The following KIF20B variants were observed in gnomAD, a reference collection of about 807,000 sequenced individuals.
KIF20B encodes kinesin-like protein KIF20B.
Under a neutral mutation model 232.5 loss-of-function variants are expected in KIF20B, and 188 were observed. That is an observed-to-expected ratio of 0.81 (90% CI 0.72 to 0.91). KIF20B has a LOEUF of 0.91. Among genes scored for constraint, KIF20B ranks in the 40% least tolerant of loss-of-function variants. The pLI is 0.00. For missense variants in KIF20B, 2,154 were observed against 2,055.9 expected, an observed-to-expected ratio of 1.05 and a Z score of -0.92; for synonymous variants, 712 against 683.0, an observed-to-expected ratio of 1.04 and a Z score of -0.66.
At chr10:89,753,173 G>T (rs1391739648) in intron 25 of KIF20B, among the ~76,000 whole-genome samples, 1 of 151,918 alleles carries the variant, frequency 6.6e-6, no homozygotes, top group Non-Finnish European at 1.5e-5. Flanking sequence ...TTCTTGTTCA[G>T]CTTTAACATA....
At chr10:89,702,318 G>C (rs2133073036) in intron 1 of KIF20B, among the ~76,000 whole-genome samples, 1 of 152,310 alleles carries the variant, frequency 6.6e-6, no homozygotes, top group South Asian at 2.1e-4. Context: ...TTGTGGCACA[G>C]TGACTGCTGT....
chr10:89,719,830 A>AT (rs1030609564), intron 13 of KIF20B, 124 bp downstream of exon 13: 17 of 715,130 alleles, frequency 2.4e-5, no homozygotes, highest in Non-Finnish European at 3.6e-5. Context: ...TCAACTTTAT[A>AT]TTTTGAAAAA....
rs1843088438 is a variant in KIF20B at position 89,722,627 on chromosome 10, C to A, written c.1723-1337C>A. 2.0e-5 allele frequency among the ~76,000 whole-genome samples: 3 copies of A among 152,194 alleles called. No homozygotes were observed. The South Asian group carries it at 6.2e-4, about 32-fold the overall frequency. On this transcript the variant is annotated intron_variant, in intron 13 of 32. Transcript: ENST00000371728. ...GAGGTTGCAGTGAGCCGAGATCGAG[C>A]CACTGCACTCCAGCCTGGGCGACAG...
At chr10:89,754,491 A>G (rs755411976) in intron 25 of KIF20B, 27 bp from the exon 26 acceptor site, 27 of 1,445,412 alleles carry the variant, frequency 1.9e-5, no homozygotes, top group East Asian at 2.4e-5. Flanking sequence ...GGCATGCGAT[A>G]ATAACTTATA....
At chr10:89,720,094 C>G (rs1843020591) in intron 13 of KIF20B, among the ~76,000 whole-genome samples, 1 of 152,080 alleles carries the variant, frequency 6.6e-6, no homozygotes, top group African/African-American at 2.4e-5. Flanking sequence ...CTAATATAAC[C>G]TCGTATACTG....
Position 89,766,330 on chromosome 10 carries a change from A to G in KIF20B, c.4990-1960A>G, listed in dbSNP as rs150801105. The G allele has an allele frequency of 9.5e-3, 1,470 of 154,140 alleles. 29 individuals are homozygous for G. The highest frequency in any genetic ancestry group is 0.033 in the African/African-American group (1,386 of 41,578). 9.5% of individuals were successfully genotyped at this position (154,140 alleles called of 1,614,324 possible). Reference sequence around the variant, plus strand: ...AGCAATGGAACAAAGCTGGAAGGAGAATGACTTTGACAAATTGAGAGAAGA... The same window carrying G: ...AGCAATGGAACAAAGCTGGAAGGAGGATGACTTTGACAAATTGAGAGAAGA... On this transcript the variant is annotated intron_variant, in intron 29 of 32. Coordinates refer to ENST00000371728, the MANE Select transcript of KIF20B (RefSeq NM_001284259.2).
chr10:89,766,922 A>T (rs542658689), intron 29 of KIF20B, among the ~76,000 whole-genome samples: 5 of 151,192 alleles, frequency 3.3e-5, no homozygotes, highest in African/African-American at 9.7e-5. Flanking sequence ...TTCTTGATCC[A>T]TTTTTTTTCA....
At chr10:89,752,444 A>C (rs952895932) in intron 24 of KIF20B, 123 bp from the exon 25 acceptor site, 1 of 623,728 alleles carries the variant, frequency 1.6e-6, no homozygotes, top group African/African-American at 1.9e-5. Flanking sequence ...CCTCAGTTCC[A>C]TCTTGGTCTG....
intron 23 of KIF20B, among the ~76,000 whole-genome samples, chr10:89,746,197 C>A (rs1197117329): frequency 6.6e-6 from 1 of 152,210 alleles, no homozygotes; most frequent in Non-Finnish European, 1.5e-5. Context: ...TTCAGCCTAG[C>A]CGTCCACAGG....
intron 8 of KIF20B, among the ~76,000 whole-genome samples, chr10:89,715,730 C>T (rs1263470910): frequency 6.6e-6 from 1 of 152,192 alleles, no homozygotes; most frequent in Non-Finnish European, 1.5e-5. Flanking sequence ...GTGGCTCACA[C>T]CTGTAATCCC....
At chr10:89,705,516 T>C in intron 2 of KIF20B, 75 bp downstream of exon 2, 1 of 1,328,936 alleles carries the variant, frequency 7.5e-7, no homozygotes, top group African/African-American at 1.5e-5. Flanking sequence ...ATGGCCTGTT[T>C]TTGTATTACC....
intron 29 of KIF20B, among the ~76,000 whole-genome samples, chr10:89,765,753 A>C (rs1842346361): frequency 6.6e-6 from 1 of 152,030 alleles, no homozygotes; most frequent in Non-Finnish European, 1.5e-5. Flanking sequence ...TTTCTCCTTC[A>C]CTTATGAAGC....
chr10:89,746,849 A>G (rs544097126), intron 23 of KIF20B, among the ~76,000 whole-genome samples: 169 of 152,376 alleles, frequency 1.1e-3, no homozygotes, highest in African/African-American at 3.7e-3. Context: ...CAGCTTATCA[A>G]AAGTGAAAAG....
In KIF20B at chr10:89,743,922, C is replaced by T; in HGVS notation, c.4030C>T (p.Leu1344Phe). The change falls in exon 22 of 33, where the codon CTC becomes TTC. Residue 1344 changes from leucine to phenylalanine, a missense_variant. Physicochemically the swap from Leu to Phe is conservative, Grantham distance 22. Transcript: ENST00000371728. ...LDMKQRTIQQ[L>F]KEQLNNQKVE... ...TATGAAACAGCGAACCATTCAGCAACTCAAGGTAAACAGTTTTGTTTTTAA... is the reference window on the plus strand; with the variant it reads ...TATGAAACAGCGAACCATTCAGCAATTCAAGGTAAACAGTTTTGTTTTTAA... The T allele has an allele frequency of 6.3e-7, 1 of 1,583,182 alleles. No homozygotes were observed. The highest frequency in any genetic ancestry group is 8.5e-7 in the Non-Finnish European group (1 of 1,169,616).
intron 23 of KIF20B, among the ~76,000 whole-genome samples, chr10:89,748,922 C>A (rs1236695709): frequency 6.6e-6 from 1 of 152,092 alleles, no homozygotes; most frequent in Admixed American, 6.5e-5. Context: ...AATCTGTCAG[C>A]ATTTTGCAAT....
intron 22 of KIF20B, 117 bp downstream of exon 22, chr10:89,744,044 G>T: frequency 5.6e-6 from 4 of 719,858 alleles, no homozygotes; most frequent in Non-Finnish European, 8.4e-6. Flanking sequence ...CTAGAATCTA[G>T]AAATAAATTA....
At chr10:89,714,928 TG>T (rs752946196) in intron 7 of KIF20B, 26 bp from the exon 8 acceptor site, 2 of 1,357,948 alleles carry the variant, frequency 1.5e-6, no homozygotes, top group Non-Finnish European at 2.0e-6. Context: ...CTTTCGTGAT[TG>T]TTTTTTCTTT....
chr10:89,713,664 A>T (rs10785900), intron 6 of KIF20B, among the ~76,000 whole-genome samples: 141,043 of 152,202 alleles, frequency 0.93, 65,499 homozygotes, highest in East Asian at 1. Context: ...TGGTGAATAA[A>T]TTAAATGTTT....
At position 89,774,283 on chromosome 10, in the gene KIF20B, T is replaced by A. The variant is rs1298354255; in HGVS notation, c.*235T>A. On this transcript the variant is annotated 3_prime_UTR_variant, in exon 33 of 33. Coordinates refer to ENST00000371728, the MANE Select transcript of KIF20B (RefSeq NM_001284259.2). ...TTTCCCTATTATCTCAGACATTGGA[T>A]CAGTGAAGATCCTAGGAAAGAGGCT... The A allele has an allele frequency of 3.5e-6, 1 of 283,162 alleles. No homozygotes were observed. The highest frequency in any genetic ancestry group is 6.6e-6 in the Non-Finnish European group (1 of 152,656). 17.5% of individuals were successfully genotyped at this position (283,162 alleles called of 1,614,324 possible). A position where few individuals can be genotyped will look rare whatever the true frequency, so the allele number is the denominator to read the frequency against.
Sources: allele counts gnomAD v4.1 joint callset (sites outside exome capture counted in the v4.1 genomes callset), GRCh38; gene constraint gnomAD v4.1.1; transcripts MANE v1.5; gene names NCBI Gene and HGNC (gene_info 2026-07-23, HGNC 2026-07-21).